NDST3: variants seen among roughly 807,000 people sequenced by gnomAD.
NDST3 encodes the protein bifunctional heparan sulfate N-deacetylase/N-sulfotransferase 3.
In NDST3, 58 loss-of-function variants were observed where a neutral mutation model predicts 96.1. The ratio of observed to expected loss-of-function variants is 0.60; its 90% CI spans 0.49 to 0.75. NDST3 has a LOEUF of 0.75. Ranked by LOEUF, NDST3 falls within the 30% of genes least tolerant of loss-of-function variation. The pLI, the probability that NDST3 is intolerant of heterozygous loss-of-function variation, is 0.00. For synonymous variants in NDST3, 333 were observed against 359.7 expected (o/e 0.93, Z 0.84); for missense variants, 788 against 1,034.2 (o/e 0.76, Z 3.27).
chr4:118,047,201 T>G (rs1394427470), intron 1 of NDST3, among the ~76,000 whole-genome samples: 1 of 152,202 alleles, frequency 6.6e-6, no homozygotes, highest in Non-Finnish European at 1.5e-5. Flanking sequence ...CAGCCACAAA[T>G]AAAGGCCCTA....
chr4:118,103,565 C>T (rs2892791), intron 2 of NDST3, among the ~76,000 whole-genome samples: 114,505 of 152,060 alleles, frequency 0.75, 45,767 homozygotes, highest in South Asian at 0.92. Context: ...ATATCCTTCC[C>T]CACACCAGGG....
intron 1 of NDST3, among the ~76,000 whole-genome samples, chr4:118,043,549 A>G (rs1724586919): frequency 6.6e-6 from 1 of 152,244 alleles, no homozygotes; most frequent in South Asian, 2.1e-4. Context: ...CCACAGGGCA[A>G]TTGTGGCGAG....
chr4:118,105,426 A>G (rs546166556), intron 3 of NDST3, among the ~76,000 whole-genome samples: 4 of 152,160 alleles, frequency 2.6e-5, no homozygotes, highest in Non-Finnish European at 5.9e-5. Context: ...GAAAGAGAAC[A>G]CTTCCAAAAT....
chr4:118,187,559 A>G (rs1737045596), intron 6 of NDST3, among the ~76,000 whole-genome samples: 1 of 152,194 alleles, frequency 6.6e-6, no homozygotes, highest in African/African-American at 2.4e-5. Flanking sequence ...TCAAGGCATA[A>G]GGTTGTCCAT....
chr4:118,155,038 G>A (rs946867159), intron 6 of NDST3, among the ~76,000 whole-genome samples: 1 of 152,138 alleles, frequency 6.6e-6, no homozygotes, highest in African/African-American at 2.4e-5. Flanking sequence ...AAAGAACTAC[G>A]AATAAAGAAC....
At chr4:118,131,762 C>A (rs930308678) in intron 4 of NDST3, among the ~76,000 whole-genome samples, 1 of 151,844 alleles carries the variant, frequency 6.6e-6, no homozygotes, top group African/African-American at 2.4e-5. Flanking sequence ...ATATTTGAAG[C>A]TGCTTGGTTC....
chr4:118,162,180 G>GT (rs1735204010), intron 6 of NDST3, among the ~76,000 whole-genome samples: 1 of 152,132 alleles, frequency 6.6e-6, no homozygotes, highest in Non-Finnish European at 1.5e-5. Context: ...ACTGCCCAAG[G>GT]TAATTTACAG....
chr4:118,132,088 G>T (rs1312982230), intron 4 of NDST3, among the ~76,000 whole-genome samples: 1 of 152,046 alleles, frequency 6.6e-6, no homozygotes, highest in Non-Finnish European at 1.5e-5. Context: ...TTCACTCAAG[G>T]CCCTAGGCCA....
At chr4:118,055,019 G>T in intron 2 of NDST3, 128 bp downstream of exon 2, 2 of 1,125,870 alleles carry the variant, frequency 1.8e-6, no homozygotes, top group South Asian at 2.5e-5. Context: ...GGCAATCTAG[G>T]ATTATCGCTC....
chr4:118,193,632 G>C, intron 6 of NDST3: 1 of 1,283,376 alleles, frequency 7.8e-7, no homozygotes, highest in South Asian at 1.2e-5. Flanking sequence ...TCGTTGTTGG[G>C]GTAGAGCTGC....
At chr4:118,040,883 TTATATATATATA>T (rs1341299745) in intron 1 of NDST3, among the ~76,000 whole-genome samples, 1 of 141,904 alleles carries the variant, frequency 7.0e-6, no homozygotes, top group Non-Finnish European at 1.5e-5. Flanking sequence ...ATATATATAT[TTATATATATATA>T]TATTTATATA....
intron 6 of NDST3, among the ~76,000 whole-genome samples, chr4:118,175,716 C>T (rs1217821269): frequency 6.6e-6 from 1 of 152,126 alleles, no homozygotes; most frequent in Admixed American, 6.6e-5. Flanking sequence ...TGTGGTTTGC[C>T]TCTGCCTGTT....
intron 2 of NDST3, among the ~76,000 whole-genome samples, chr4:118,069,640 C>T (rs1161284732): frequency 6.6e-6 from 1 of 152,036 alleles, no homozygotes; most frequent in Non-Finnish European, 1.5e-5. Flanking sequence ...TTTAGTCAAT[C>T]TTTAATGTTT....
chr4:118,221,706 T>G (rs1420051313), intron 6 of NDST3, among the ~76,000 whole-genome samples: 2 of 151,986 alleles, frequency 1.3e-5, no homozygotes, highest in Non-Finnish European at 2.9e-5. Flanking sequence ...TTTTCCCTTT[T>G]TACAGAAAAA....
intron 2 of NDST3, among the ~76,000 whole-genome samples, chr4:118,101,876 A>G (rs1729793715): frequency 6.6e-6 from 1 of 152,158 alleles, no homozygotes; most frequent in Admixed American, 6.6e-5. Context: ...AAATTATAGT[A>G]TACTCATTTG....
chr4:118,057,647 C>T (rs1438300386), intron 2 of NDST3, among the ~76,000 whole-genome samples: 1 of 152,036 alleles, frequency 6.6e-6, no homozygotes, highest in Non-Finnish European at 1.5e-5. Context: ...GCAGGGCCCA[C>T]TGGGCTAAGG....
intron 2 of NDST3, among the ~76,000 whole-genome samples, chr4:118,084,817 T>C (rs886495307): frequency 1.3e-5 from 2 of 152,122 alleles, no homozygotes; most frequent in African/African-American, 4.8e-5. Context: ...CAATTAAACA[T>C]TATTTAAAAA....
At chr4:118,159,214 C>G (rs923304885) in intron 6 of NDST3, among the ~76,000 whole-genome samples, 3 of 152,214 alleles carry the variant, frequency 2.0e-5, no homozygotes, top group East Asian at 1.9e-4. Context: ...CAAGTGCTGA[C>G]AGGACCCAAT....
chr4:118,055,023 A>G (rs767264764), intron 2 of NDST3, 132 bp downstream of exon 2: 8 of 1,072,390 alleles, frequency 7.5e-6, no homozygotes, highest in Middle Eastern at 2.0e-4. Flanking sequence ...ATCTAGGATT[A>G]TCGCTCACCC....
Sources: gnomAD v4.1 joint callset for allele counts (sites outside exome capture counted in the v4.1 genomes callset) on GRCh38, gnomAD v4.1.1 for gene constraint, MANE v1.5 for transcripts, NCBI Gene and HGNC (gene_info 2026-07-23, HGNC 2026-07-21) for gene names.